Variants in SCML4 observed in about 807,000 individuals in gnomAD.
The protein encoded by SCML4 is Scm polycomb group protein like 4, also known as sex comb on midleg-like protein 4.
Under a neutral mutation model 41.1 loss-of-function variants are expected in SCML4, and 34 were observed. The observed-to-expected ratio is 0.83, with a 90% confidence interval of 0.63 to 1.10. The LOEUF is 1.10. Ranked by LOEUF, SCML4 falls within the 50% of genes least tolerant of loss-of-function variation. The pLI is 0.00. For missense variants in SCML4, 522 were observed against 534.1 expected, an observed-to-expected ratio of 0.98 and a Z score of 0.22; for synonymous variants, 214 against 220.9, an observed-to-expected ratio of 0.97 and a Z score of 0.28.
At chr6:107,732,572 G>C (rs568822257) in intron 5 of SCML4, among the ~76,000 whole-genome samples, 16 of 152,244 alleles carry the variant, frequency 1.1e-4, no homozygotes, top group Admixed American at 8.5e-4. Context: ...CTAAGCCTAG[G>C]GGTTGATTTC....
At chr6:107,721,291 C>T (rs1401734014) in intron 5 of SCML4, among the ~76,000 whole-genome samples, 1 of 152,126 alleles carries the variant, frequency 6.6e-6, no homozygotes, top group South Asian at 2.1e-4. Flanking sequence ...AGGCCAGGTG[C>T]AGTGGCTCCC....
At chr6:107,801,931 A>ATTT (rs11287590) in intron 1 of SCML4, among the ~76,000 whole-genome samples, 1 of 145,566 alleles carries the variant, frequency 6.9e-6, no homozygotes, top group African/African-American at 2.5e-5. Context: ...CACCTGGCTA[A>ATTT]TTTTTTTTTT....
rs1167954667 is a variant in SCML4 at position 107,702,343 on chromosome 6, C to T, written c.*2857G>A. 1.3e-5 allele frequency among the ~76,000 whole-genome samples: 2 copies of T among 152,202 alleles called. No individual in the cohort carries two copies. The highest frequency in any genetic ancestry group is 1.3e-4 in the Admixed American group (2 of 15,276). On this transcript the variant is annotated 3_prime_UTR_variant, in exon 8 of 8. Coordinates refer to ENST00000369020, the MANE Select transcript of SCML4 (RefSeq NM_198081.5). Reference sequence around the variant, plus strand: ...CAAGACTTGAAATGAGAACATATCTCTCGCCTGAAAACTACTCAAGGGATC... The same window carrying T: ...CAAGACTTGAAATGAGAACATATCTTTCGCCTGAAAACTACTCAAGGGATC...
the SCML4 span, among the ~76,000 whole-genome samples, chr6:107,836,649 T>G: frequency 6.6e-6 from 1 of 152,242 alleles, no homozygotes; most frequent in South Asian, 2.1e-4. Flanking sequence ...TCCAGGCAGC[T>G]GTGGTGACAC....
At chr6:107,751,574 C>A (rs893177478) in intron 2 of SCML4, among the ~76,000 whole-genome samples, 3 of 43,264 alleles carry the variant, frequency 6.9e-5, no homozygotes, top group African/African-American at 2.9e-4. Flanking sequence ...TTTTAACAAT[C>A]TTTCTTTCTT....
At chr6:107,722,731 A>G (rs1180136016) in intron 5 of SCML4, among the ~76,000 whole-genome samples, 3 of 152,222 alleles carry the variant, frequency 2.0e-5, no homozygotes, top group African/African-American at 7.2e-5. Flanking sequence ...ATCTTCTCAT[A>G]GTTGGGGATG....
intron 1 of SCML4, among the ~76,000 whole-genome samples, chr6:107,819,627 A>G (rs1234538314): frequency 2.0e-5 from 3 of 151,134 alleles, no homozygotes; most frequent in African/African-American, 4.9e-5. Context: ...AAAATCAGCA[A>G]TGGTGGGTTG....
chr6:107,737,273 T>C (rs898360753), intron 5 of SCML4, among the ~76,000 whole-genome samples: 2 of 152,174 alleles, frequency 1.3e-5, no homozygotes, highest in African/African-American at 2.4e-5. Context: ...CTTCTTCGGA[T>C]TGGGGAAGGT....
intron 1 of SCML4, among the ~76,000 whole-genome samples, chr6:107,790,571 T>C (rs1224152211): frequency 6.6e-6 from 1 of 152,194 alleles, no homozygotes; most frequent in Non-Finnish European, 1.5e-5. Flanking sequence ...TTAATTAGCT[T>C]TCACAGTTTA....
At chr6:107,754,360 G>A (rs747568752) in intron 2 of SCML4, among the ~76,000 whole-genome samples, 10 of 152,230 alleles carry the variant, frequency 6.6e-5, no homozygotes, top group Non-Finnish European at 1.2e-4. Context: ...TTTTGACTCA[G>A]TGACTCTGAC....
At chr6:107,740,842 G>A (rs527649190) in intron 5 of SCML4, among the ~76,000 whole-genome samples, 1 of 152,340 alleles carries the variant, frequency 6.6e-6, no homozygotes, top group South Asian at 2.1e-4. Context: ...GAAGCAGAGA[G>A]CATGATGCCA....
intron 2 of SCML4, among the ~76,000 whole-genome samples, chr6:107,762,876 CTTTTTTTT>C (rs57370632): frequency 5.6e-5 from 5 of 89,702 alleles, no homozygotes; most frequent in Non-Finnish European, 7.7e-5. Flanking sequence ...TAAATGCACT[CTTTTTTTT>C]TTTTTTTTTT....
At chr6:107,752,959 T>C (rs897713694) in intron 2 of SCML4, among the ~76,000 whole-genome samples, 3 of 151,958 alleles carry the variant, frequency 2.0e-5, no homozygotes, top group Non-Finnish European at 4.4e-5. Context: ...ATTGGAAAAA[T>C]GGAAAGAGAG....
intron 1 of SCML4, among the ~76,000 whole-genome samples, chr6:107,797,762 C>T (rs1782815511): frequency 6.6e-6 from 1 of 151,814 alleles, no homozygotes. Flanking sequence ...TTTAGGTATT[C>T]ATAGATGCTC....
At chr6:107,802,055 G>A (rs546592450) in intron 1 of SCML4, among the ~76,000 whole-genome samples, 30 of 152,206 alleles carry the variant, frequency 2.0e-4, no homozygotes, top group Non-Finnish European at 3.7e-4. Flanking sequence ...ACAGGCGTGA[G>A]CCACTGCACC....
chr6:107,748,229 A>G (rs1048912502), intron 3 of SCML4, among the ~76,000 whole-genome samples: 2 of 152,166 alleles, frequency 1.3e-5, no homozygotes, highest in African/African-American at 4.8e-5. Context: ...TCCATACATT[A>G]ATGACCCCTC....
intron 1 of SCML4, among the ~76,000 whole-genome samples, chr6:107,797,494 A>G (rs960128609): frequency 6.6e-6 from 1 of 152,076 alleles, no homozygotes; most frequent in Admixed American, 6.5e-5. Flanking sequence ...CTAGTAAACT[A>G]CTTCTAAGTG....
At chr6:107,819,763 G>T (rs1187877345) in intron 1 of SCML4, among the ~76,000 whole-genome samples, 1 of 151,796 alleles carries the variant, frequency 6.6e-6, no homozygotes, top group Non-Finnish European at 1.5e-5. Context: ...AGTTTATATG[G>T]TTTCTTATCA....
At position 107,746,820 on chromosome 6, in the gene SCML4, G is replaced by A. The variant is rs770348336; in HGVS notation, c.356C>T (p.Pro119Leu). 3.1e-6 allele frequency: 5 copies of A among 1,613,974 alleles called. No homozygotes were observed. Among genetic ancestry groups the A allele is most frequent in the African/African-American group, 1.3e-5 (1 of 74,932 alleles). ...YLERKKVQQL[P>L]EHFGPERPSA... ...TGGCCGCTCGGGCCCAAAATGCTCC[G>A]GGAGCTGCTGCACCTTCTTCCTCTC... Residue 119 changes from proline (P) to leucine (L), a missense_variant, in exon 4 of 8, where the codon CCG (proline) becomes CTG (leucine). By Grantham distance (98) the Pro-to-Leu change is moderately conservative. Transcript: ENST00000369020.
Sources: gnomAD v4.1 joint callset for allele counts (sites outside exome capture counted in the v4.1 genomes callset) on GRCh38, gnomAD v4.1.1 for gene constraint, MANE v1.5 for transcripts, NCBI Gene and HGNC (gene_info 2026-07-23, HGNC 2026-07-21) for gene names.